Variants in SEMA4B observed in about 807,000 individuals in gnomAD.
The protein encoded by SEMA4B is semaphorin 4B.
Under a neutral mutation model 88.1 loss-of-function variants are expected in SEMA4B, and 55 were observed. The ratio of observed to expected loss-of-function variants is 0.62; its 90% CI spans 0.50 to 0.78. The LOEUF is 0.78. Ranked by LOEUF, SEMA4B falls within the 30% of genes least tolerant of loss-of-function variation. The probability of loss-of-function intolerance (pLI) is 0.00; values close to 1 mark genes in which losing one functional copy is unlikely to be tolerated. For missense variants in SEMA4B, 1,062 were observed against 1,111.9 expected (o/e 0.96, Z 0.64); for synonymous variants, 525 against 473.6 (o/e 1.11, Z -1.41).
intron 1 of SEMA4B, chr15:90,206,734 C>A (rs966238099): frequency 1.3e-6 from 1 of 759,378 alleles, no homozygotes; most frequent in Admixed American, 1.9e-5. Context: ...TTGCATCCAA[C>A]GGTGATGAGA....
chr15:90,222,919 CTT>C (rs749099646), intron 7 of SEMA4B, among the ~76,000 whole-genome samples: 23 of 119,068 alleles, frequency 1.9e-4, no homozygotes, highest in South Asian at 2.7e-4. Flanking sequence ...CCCTCCAAAT[CTT>C]TTTTTTTTTT....
intron 1 of SEMA4B, chr15:90,215,094 A>T: frequency 1.4e-6 from 1 of 739,690 alleles, no homozygotes; most frequent in Non-Finnish European, 1.8e-6. Context: ...GAGGGTGGTC[A>T]GGGTGCTGCT....
At position 90,206,495 on chromosome 15, in the gene SEMA4B, GCCA is replaced by G. The variant is rs140517143; in HGVS notation, c.157+4764_157+4766del. ...AAAGCCTGGTGGCTCTTTCCCTGCTGCCACCAAGTCATGCAGAGACGGAGGCTC... is the reference window on the plus strand; with the variant it reads ...AAAGCCTGGTGGCTCTTTCCCTGCTGCCAAGTCATGCAGAGACGGAGGCTC... On this transcript the variant is annotated intron_variant, in intron 1 of 13. Coordinates refer to ENST00000411539, the MANE Select transcript of SEMA4B (RefSeq NM_198925.4). 240 of 310,948 alleles carry G rather than the reference GCCA, an allele frequency of 7.7e-4. 1 individual carries two copies. Among genetic ancestry groups the G allele is most frequent in the African/African-American group, 5.0e-3 (230 of 46,290 alleles). 19.3% of individuals were successfully genotyped at this position (310,948 alleles called of 1,614,324 possible). A position where few individuals can be genotyped will look rare whatever the true frequency, so the allele number is the denominator to read the frequency against.
chr15:90,225,461 A>C (rs761853661), intron 11 of SEMA4B, 64 bp downstream of exon 11: 2 of 1,433,720 alleles, frequency 1.4e-6, no homozygotes, highest in Non-Finnish European at 1.9e-6. Context: ...AGCACCAAGC[A>C]GTCCCCACCC....
At chr15:90,211,494 C>T (rs888186896) in intron 1 of SEMA4B, among the ~76,000 whole-genome samples, 31 of 152,196 alleles carry the variant, frequency 2.0e-4, no homozygotes, top group Non-Finnish European at 5.9e-5. Context: ...GGGCTGGTGT[C>T]AGCAGAATGT....
chr15:90,228,863 T>C lies in SEMA4B; in HGVS notation c.*220T>C, dbSNP rs1962351289. The C allele has an allele frequency of 1.5e-5, 9 of 610,318 alleles. No individual in the cohort carries two copies. Among genetic ancestry groups the C allele is most frequent in the South Asian group, 1.4e-4 (7 of 49,934 alleles). 37.8% of individuals were successfully genotyped at this position (610,318 alleles called of 1,614,324 possible). ...CGTGGCCCCAGAGGTCCTGGCCAAA[T>C]ATGGGGGCCTGCCTAGGTTGGTGGA... On this transcript the variant is annotated 3_prime_UTR_variant, in exon 14 of 14. Transcript: ENST00000411539.
chr15:90,219,029 C>T (rs530845040), intron 3 of SEMA4B, among the ~76,000 whole-genome samples: 1 of 152,210 alleles, frequency 6.6e-6, no homozygotes, highest in Admixed American at 6.5e-5. Flanking sequence ...AGAGATGTGA[C>T]ATGGTCTCAC....
chr15:90,220,915 C>G, intron 4 of SEMA4B, 67 bp from the exon 5 acceptor site: 1 of 1,086,664 alleles, frequency 9.2e-7, no homozygotes, highest in Non-Finnish European at 1.4e-6. Context: ...ACGCCTCTCT[C>G]TTTCTCACCA....
At position 90,209,099 on chromosome 15, in the gene SEMA4B, CCT is replaced by C. The variant is rs754364235; in HGVS notation, c.157+7369_157+7370del. 1.4e-4 allele frequency among the ~76,000 whole-genome samples: 22 copies of C among 152,190 alleles called. No individual in the cohort carries two copies. In the East Asian group the frequency reaches 4.2e-3, roughly 29 times the overall value. On this transcript the variant is annotated intron_variant, in intron 1 of 13. Coordinates refer to ENST00000411539, the MANE Select transcript of SEMA4B (RefSeq NM_198925.4). ...CGTTGCCCCATTTTTATCTGGGGCC[CCT>C]CTCTGGGCTGGAGCACTCTCACTGG...
At chr15:90,217,300 C>T (rs965701625) in intron 1 of SEMA4B, 139 bp from the exon 2 acceptor site, 30 of 746,918 alleles carry the variant, frequency 4.0e-5, no homozygotes, top group Non-Finnish European at 6.1e-5. Flanking sequence ...AACCTGATCC[C>T]CCTGCCCCCA....
intron 4 of SEMA4B, 35 bp downstream of exon 4, chr15:90,219,926 G>C (rs1165442443): frequency 6.7e-7 from 1 of 1,494,694 alleles, no homozygotes; most frequent in South Asian, 1.1e-5. Flanking sequence ...AGGCTGACCT[G>C]GGAACTGCCC....
At chr15:90,198,231 T>C (rs1434265682), upstream of SEMA4B, among the ~76,000 whole-genome samples, 1 of 152,146 alleles carries the variant, frequency 6.6e-6, no homozygotes, top group Non-Finnish European at 1.5e-5. Flanking sequence ...AAACTCTTTA[T>C]TGGACCAAAG....
chr15:90,221,437 C>G lies in SEMA4B; in HGVS notation c.666C>G (p.Ser222Arg), dbSNP rs1464727165. 2 of 1,587,784 alleles carry G rather than the reference C, an allele frequency of 1.3e-6. No homozygotes were observed. Among genetic ancestry groups the G allele is most frequent in the African/African-American group, 1.3e-5 (1 of 74,074 alleles). Residue 222 changes from serine to arginine, a missense_variant, in exon 6 of 14, where the codon AGC (serine) becomes AGG (arginine). Coordinates refer to ENST00000411539, the MANE Select transcript of SEMA4B (RefSeq NM_198925.4). Reference protein sequence around the residue: ...GNDPAISRSQSLRPTKTESSL... With the variant: ...GNDPAISRSQRLRPTKTESSL... Reference sequence around the variant, plus strand: ...ACCCGGCCATCTCGCGGAGCCAAAGCCTTCGCCCCACCAAGACCGAGAGCT... The same window carrying G: ...ACCCGGCCATCTCGCGGAGCCAAAGGCTTCGCCCCACCAAGACCGAGAGCT...
rs1231591204 is a variant in SEMA4B at position 90,223,613 on chromosome 15, G to A, written c.916G>A (p.Ala306Thr). 2 of 1,613,038 alleles carry A rather than the reference G, an allele frequency of 1.2e-6. No individual in the cohort carries two copies. The highest frequency in any genetic ancestry group is 4.5e-5 in the East Asian group (2 of 44,886). ...GCAGCGCTGGACCTCCTTCCTCAAG[G>A]CCCAGCTGCTGTGCTCACGGCCCGA... ...LQQRWTSFLK[A>T]QLLCSRPDDG... The change falls in exon 8 of 14, where the codon GCC becomes ACC. Residue 306 changes from alanine (A) to threonine (T), a missense_variant. Coordinates refer to ENST00000411539, the MANE Select transcript of SEMA4B (RefSeq NM_198925.4).
chr15:90,203,247 G>A (rs574542240), intron 1 of SEMA4B, among the ~76,000 whole-genome samples: 2 of 152,328 alleles, frequency 1.3e-5, no homozygotes, highest in East Asian at 3.9e-4. Context: ...TTTGACTGTA[G>A]CCCCTTGGGT....
chr15:90,201,544 C>A lies in SEMA4B; in HGVS notation c.-35C>A. On this transcript the variant is annotated 5_prime_UTR_variant, in exon 1 of 14. Transcript: ENST00000411539. Reference sequence around the variant, plus strand: ...GTGAGTCCGGCCGAGCCACCTGAGCCCGAGCCGCGGGACACCGTCGCTCCT... The same window carrying A: ...GTGAGTCCGGCCGAGCCACCTGAGCACGAGCCGCGGGACACCGTCGCTCCT... 3.5e-6 allele frequency: 5 copies of A among 1,423,350 alleles called. No individual in the cohort carries two copies. In the South Asian group the frequency reaches 4.3e-5, roughly 12 times the overall value. The allele number at this position is 1,423,350 out of a possible 1,614,324, so 88.2% of individuals were successfully genotyped here.
chr15:90,206,619 CT>C, intron 1 of SEMA4B: 1 of 617,846 alleles, frequency 1.6e-6, no homozygotes, highest in Admixed American at 2.4e-5. Context: ...ATTAATGCTG[CT>C]TTACAAGAGC....
intron 1 of SEMA4B, chr15:90,216,932 C>T (rs1021228454): frequency 1.3e-5 from 2 of 152,514 alleles, no homozygotes; most frequent in African/African-American, 2.4e-5. Context: ...ACATTTCCTT[C>T]TCTTTGGGTC....
chr15:90,217,302 C>A (rs566132512), intron 1 of SEMA4B, 137 bp from the exon 2 acceptor site: 3 of 767,092 alleles, frequency 3.9e-6, no homozygotes, highest in Non-Finnish European at 6.2e-6. Flanking sequence ...CCTGATCCCC[C>A]TGCCCCCAGC....
Sources: allele counts gnomAD v4.1 joint callset (sites outside exome capture counted in the v4.1 genomes callset), GRCh38; gene constraint gnomAD v4.1.1; transcripts MANE v1.5; gene names NCBI Gene and HGNC (gene_info 2026-07-23, HGNC 2026-07-21).